The following KIAA0319 variants were observed in gnomAD, a reference collection of about 807,000 sequenced individuals.
KIAA0319 encodes KIAA0319, also known as dyslexia-associated protein KIAA0319.
KIAA0319 carries 83 observed loss-of-function variants against 108.4 expected under a neutral mutation model. The observed-to-expected ratio is 0.77, with a 90% CI of 0.64 to 0.92. The LOEUF (loss-of-function observed/expected upper bound fraction) is 0.92, where lower values mean the gene tolerates loss of function less well. Among genes scored for constraint, KIAA0319 ranks in the 40% least tolerant of loss-of-function variants. The pLI is 0.00. For missense variants in KIAA0319, 1,195 were observed against 1,322.4 expected (o/e 0.90, Z 1.49); for synonymous variants, 484 against 510.4 (o/e 0.95, Z 0.70).
At position 24,596,469 on chromosome 6, in the gene KIAA0319, G is replaced by T. The variant is rs1425256519; in HGVS notation, c.205C>A (p.Leu69Met). Residue 69 changes from leucine (L) to methionine (M), a missense_variant, in exon 3 of 21, where the codon CTG becomes ATG. By Grantham distance (15) the Leu-to-Met change is conservative. Coordinates refer to ENST00000378214, the MANE Select transcript of KIAA0319 (RefSeq NM_014809.4). The part of the protein sequence containing the change: ...AACCDLSSCD[L>M]AWWFEGRCYL... ...CAGCGGCCCTCGAACCACCAGGCCA[G>T]GTCACAGCTGGACAGGTCACAGCAA... is the stretch of plus-strand genomic sequence containing the variant. 6.2e-7 allele frequency: 1 copy of T among 1,614,182 alleles called. No individual in the cohort carries two copies. The highest frequency in any genetic ancestry group is 2.2e-5 in the East Asian group (1 of 44,880).
In KIAA0319 at chr6:24,547,048, T is replaced by G; in HGVS notation, c.*117A>C. The G allele has an allele frequency of 9.0e-7, 1 of 1,116,306 alleles. No homozygotes were observed. Among genetic ancestry groups the G allele is most frequent in the Non-Finnish European group, 1.3e-6 (1 of 759,742 alleles). 69.2% of individuals were successfully genotyped at this position (1,116,306 alleles called of 1,614,324 possible). ...CTTTTAGTACGTGGGGATACACATCTAACCCACTGGGGAAGAAGGTCAATG... is the reference window on the plus strand; with the variant it reads ...CTTTTAGTACGTGGGGATACACATCGAACCCACTGGGGAAGAAGGTCAATG... On this transcript the variant is annotated 3_prime_UTR_variant, in exon 21 of 21. Transcript: ENST00000378214.
At chr6:24,562,627 G>A (rs1187436438) in intron 16 of KIAA0319, among the ~76,000 whole-genome samples, 1 of 152,174 alleles carries the variant, frequency 6.6e-6, no homozygotes, top group African/African-American at 2.4e-5. Flanking sequence ...ATCACTTGAG[G>A]TCAGGAGTTT....
At chr6:24,642,265 A>C (rs1422929596) in intron 1 of KIAA0319, among the ~76,000 whole-genome samples, 1 of 151,606 alleles carries the variant, frequency 6.6e-6, no homozygotes, top group Non-Finnish European at 1.5e-5. Flanking sequence ...AAAGGGAAGG[A>C]AGGAAGGAGA....
At chr6:24,579,814 C>A (rs757062188) in intron 8 of KIAA0319, 44 bp downstream of exon 8, 3 of 1,470,290 alleles carry the variant, frequency 2.0e-6, no homozygotes, top group South Asian at 1.2e-5. Context: ...TTTCGTAGCA[C>A]GTAGAGAAAA....
At chr6:24,578,910 G>A (rs1765937745) in intron 8 of KIAA0319, among the ~76,000 whole-genome samples, 1 of 152,084 alleles carries the variant, frequency 6.6e-6, no homozygotes, top group African/African-American at 2.4e-5. Context: ...TGACCTATTT[G>A]GTCATGTAAA....
chr6:24,570,281 T>C (rs1764518383), intron 11 of KIAA0319, among the ~76,000 whole-genome samples: 1 of 152,138 alleles, frequency 6.6e-6, no homozygotes, highest in Non-Finnish European at 1.5e-5. Flanking sequence ...ACATCTTTGG[T>C]TTATTTGGTT....
intron 20 of KIAA0319, among the ~76,000 whole-genome samples, chr6:24,549,171 AAAG>A (rs1200598719): frequency 6.6e-6 from 1 of 151,930 alleles, no homozygotes. Flanking sequence ...AAAATACAAA[AAAG>A]ATTAGCTGGG....
intron 1 of KIAA0319, among the ~76,000 whole-genome samples, chr6:24,626,685 A>G (rs1301221508): frequency 6.6e-6 from 1 of 152,240 alleles, no homozygotes; most frequent in Non-Finnish European, 1.5e-5. Context: ...AATGTATTGA[A>G]CACCTATGTT....
At chr6:24,543,609 G>T (rs1760291591), downstream of KIAA0319, among the ~76,000 whole-genome samples, 2 of 152,076 alleles carry the variant, frequency 1.3e-5, no homozygotes, top group East Asian at 1.9e-4. Flanking sequence ...TTGTGTGTGT[G>T]TTTTTTGAGA....
At position 24,546,894 on chromosome 6, in the gene KIAA0319, T is replaced by C. The variant is rs1338534070; in HGVS notation, c.*271A>G. 6.3e-6 allele frequency: 2 copies of C among 318,462 alleles called. No homozygotes were observed. Among genetic ancestry groups the C allele is most frequent in the Admixed American group, 4.2e-5 (1 of 23,596 alleles). The allele number at this position is 318,462 out of a possible 1,614,324, so 19.7% of individuals were successfully genotyped here. A position where few individuals can be genotyped will look rare whatever the true frequency, so the allele number is the denominator to read the frequency against. ...ATCGTTGTTCATCTTTAATATGAGA[T>C]TGTGCCAGCTACAAAAACTCAAAAC... On this transcript the variant is annotated 3_prime_UTR_variant, in exon 21 of 21. Transcript: ENST00000378214.
In KIAA0319 at chr6:24,588,727, A is replaced by G; in HGVS notation, c.860T>C (p.Val287Ala). 1 of 1,613,994 alleles carries G rather than the reference A, an allele frequency of 6.2e-7. No individual in the cohort carries two copies. Among genetic ancestry groups the G allele is most frequent in the Non-Finnish European group, 8.5e-7 (1 of 1,179,986 alleles). ...PASLELSSVT[V>A]EKSPVLTVTP... The stretch of plus-strand genomic sequence containing the variant: ...GACTGTGAGCACTGGGCTTTTCTCC[A>G]CGGTGACTGAGCTGAGCTCCAGGCT... The change falls in exon 4 of 21, where the codon GTG (valine) becomes GCG (alanine). Residue 287 changes from valine (V) to alanine (A), a missense_variant. Transcript: ENST00000378214.
rs746148685 is a variant in KIAA0319, at chr6:24,569,895, C to G, written c.1991+8G>C. 2.5e-6 allele frequency: 4 copies of G among 1,613,746 alleles called. No individual in the cohort carries two copies. The highest frequency in any genetic ancestry group is 3.4e-6 in the Non-Finnish European group (4 of 1,179,748). On this transcript the variant is annotated splice_region_variant and intron_variant, in intron 12 of 20. Coordinates refer to ENST00000378214, the MANE Select transcript of KIAA0319 (RefSeq NM_014809.4). ...GCATGAACCTAGCTCAGTGGCGAGA[C>G]AGACTACCTGACGTGCTCCCAGTGG... is the stretch of plus-strand genomic sequence containing the variant.
At chr6:24,588,561 C>A (rs1174211174) in intron 4 of KIAA0319, 32 bp downstream of exon 4, 1 of 1,576,770 alleles carries the variant, frequency 6.3e-7, no homozygotes, top group Admixed American at 1.7e-5. Context: ...GTCTTCAGTA[C>A]ATTTCTTGAA....
At chr6:24,613,619 G>A (rs13206235) in intron 1 of KIAA0319, among the ~76,000 whole-genome samples, 4,918 of 147,734 alleles carry the variant, frequency 0.033, 129 homozygotes, top group Middle Eastern at 0.084. Flanking sequence ...CTTAATGTAA[G>A]CACAAACAAC....
chr6:24,611,441 G>A (rs2127553928), intron 1 of KIAA0319, among the ~76,000 whole-genome samples: 1 of 152,270 alleles, frequency 6.6e-6, no homozygotes, highest in Admixed American at 6.5e-5. Context: ...GGAGGTTGCA[G>A]TAAGCTGAGA....
intron 1 of KIAA0319, among the ~76,000 whole-genome samples, chr6:24,609,426 A>G (rs1263123779): frequency 6.6e-6 from 1 of 151,840 alleles, no homozygotes; most frequent in Non-Finnish European, 1.5e-5. Flanking sequence ...AAAATACAAA[A>G]ATTAGCCAGG....
Position 24,546,952 on chromosome 6 carries a change from G to T in KIAA0319, c.*213C>A. Reference sequence around the variant, plus strand: ...AGTATATACCTTAGAGTTTTACCCAGCCTTTATTTCTATTAACAAGCATCT... The same window carrying T: ...AGTATATACCTTAGAGTTTTACCCATCCTTTATTTCTATTAACAAGCATCT... On this transcript the variant is annotated 3_prime_UTR_variant, in exon 21 of 21. Coordinates refer to ENST00000378214, the MANE Select transcript of KIAA0319 (RefSeq NM_014809.4). 1.9e-6 allele frequency: 1 copy of T among 517,498 alleles called. No individual in the cohort carries two copies. Among genetic ancestry groups the T allele is most frequent in the Non-Finnish European group, 3.5e-6 (1 of 289,024 alleles). The allele number at this position is 517,498 out of a possible 1,614,324, so 32.1% of individuals were successfully genotyped here. A position where few individuals can be genotyped will look rare whatever the true frequency, so the allele number is the denominator to read the frequency against.
chr6:24,583,314 G>A, intron 5 of KIAA0319: 1 of 918,058 alleles, frequency 1.1e-6, no homozygotes, highest in Non-Finnish European at 1.4e-6. Context: ...TTCAAGAACT[G>A]GTACGTGGCA....
At chr6:24,631,336 A>G (rs1000920676) in intron 1 of KIAA0319, among the ~76,000 whole-genome samples, 2 of 152,210 alleles carry the variant, frequency 1.3e-5, no homozygotes, top group African/African-American at 4.8e-5. Flanking sequence ...ACAGTGCTAG[A>G]AAGGAAGGAG....
Sources: gnomAD v4.1 joint callset for allele counts (sites outside exome capture counted in the v4.1 genomes callset) on GRCh38, gnomAD v4.1.1 for gene constraint, MANE v1.5 for transcripts, NCBI Gene and HGNC (gene_info 2026-07-23, HGNC 2026-07-21) for gene names.